DGCR6L: variants seen among roughly 807,000 people sequenced by gnomAD.
DGCR6L encodes DiGeorge syndrome critical region gene 6 like.
A neutral mutation model predicts 31.1 loss-of-function variants in DGCR6L; 24 were observed. The observed-to-expected ratio is 0.77, with a 90% CI of 0.56 to 1.08. DGCR6L has a LOEUF of 1.08. Among genes scored for constraint, DGCR6L ranks in the 50% least tolerant of loss-of-function variants. The pLI, the probability that DGCR6L is intolerant of heterozygous loss-of-function variation, is 0.00. For missense variants in DGCR6L, 218 were observed against 287.1 expected (o/e 0.76, Z 1.74); for synonymous variants, 104 against 126.1 (o/e 0.82, Z 1.17).
Position 20,314,648 on chromosome 22 carries a change from C to T in DGCR6L, c.*27G>A. 3 of 1,561,352 alleles carry T rather than the reference C, an allele frequency of 1.9e-6. No homozygotes were observed. The highest frequency in any genetic ancestry group is 2.6e-6 in the Non-Finnish European group (3 of 1,150,342). ...AGTGGCCAAAGGTCAAGAAGATGAA[C>T]TCTGCCCAGACTTCTGCTGCCTGTG... On this transcript the variant is annotated 3_prime_UTR_variant, in exon 5 of 5. Coordinates refer to ENST00000248879, the MANE Select transcript of DGCR6L (RefSeq NM_033257.4).
At position 20,315,316 on chromosome 22, in the gene DGCR6L, G is replaced by C. The variant is rs746692807; in HGVS notation, c.513+20C>G. On this transcript the variant is annotated intron_variant, in intron 4 of 4. Transcript: ENST00000248879. ...GCCCCGGGGCACTCGGGCTAGGGCA[G>C]AGCAGGCCCAGGCACTGACCTGTGG... The C allele has an allele frequency of 6.2e-7, 1 of 1,607,720 alleles. No homozygotes were observed. Among genetic ancestry groups the C allele is most frequent in the Non-Finnish European group, 8.5e-7 (1 of 1,177,276 alleles).
intron 2 of DGCR6L, among the ~76,000 whole-genome samples, chr22:20,318,905 A>G (rs570893274): frequency 2.7e-4 from 41 of 152,390 alleles, no homozygotes; most frequent in African/African-American, 9.4e-4. Flanking sequence ...GGTGAATGCT[A>G]TGCTGTCACA....
At chr22:20,315,983 C>T in intron 3 of DGCR6L, 136 bp downstream of exon 3, 1 of 1,063,360 alleles carries the variant, frequency 9.4e-7, no homozygotes, top group Non-Finnish European at 1.3e-6. Flanking sequence ...ACTCACTAGG[C>T]CTCCAGTGTC....
rs150224836 is a variant in DGCR6L, at chr22:20,315,474, G to C, written c.375C>G (p.Ala125=). 11 of 1,613,312 alleles carry C rather than the reference G, an allele frequency of 6.8e-6. No homozygotes were observed. The highest frequency in any genetic ancestry group is 1.1e-5 in the South Asian group (1 of 91,074). Residue 125 remains alanine, a splice_region_variant and synonymous_variant, in exon 4 of 5, where the codon GCC becomes GCG. Transcript: ENST00000248879. ...VQAAQQRELE[A]VEHRIREEQR... Reference sequence around the variant, plus strand: ...GCTCCTCACGGATCCGGTGTTCCACGGCCTGCCATGGGGCCAGGGCGCGGA... The same window carrying C: ...GCTCCTCACGGATCCGGTGTTCCACCGCCTGCCATGGGGCCAGGGCGCGGA...
rs1286259902 is a variant in DGCR6L, at chr22:20,319,696, G to T, written c.214C>A (p.His72Asn). The T allele has an allele frequency of 6.2e-7, 1 of 1,612,450 alleles. No homozygotes were observed. The highest frequency in any genetic ancestry group is 8.5e-7 in the Non-Finnish European group (1 of 1,179,836). The change falls in exon 2 of 5, where the codon CAC becomes AAC. Residue 72 changes from histidine to asparagine, a missense_variant. Physicochemically the swap from His to Asn is moderately conservative, Grantham distance 68. Coordinates refer to ENST00000248879, the MANE Select transcript of DGCR6L (RefSeq NM_033257.4). ...TTGTACAGGCTCTTTTCGGTGAGGT[G>T]CTGGATCTCCAGTAGCCCCTGCACG... The part of the protein sequence containing the change: ...EIVQGLLEIQ[H>N]LTEKSLYNQR...
chr22:20,315,613 C>T, intron 3 of DGCR6L, 137 bp from the exon 4 acceptor site: 1 of 1,358,534 alleles, frequency 7.4e-7, no homozygotes, highest in Non-Finnish European at 9.9e-7. Flanking sequence ...CCGGTGCATC[C>T]TCACCACACC....
intron 3 of DGCR6L, among the ~76,000 whole-genome samples, chr22:20,315,816 C>T (rs1331215427): frequency 6.6e-6 from 1 of 152,178 alleles, no homozygotes; most frequent in Non-Finnish European, 1.5e-5. Context: ...TTCCTGGCCC[C>T]AACACCCTAC....
At chr22:20,317,001 C>G (rs940286905) in intron 2 of DGCR6L, among the ~76,000 whole-genome samples, 2 of 152,226 alleles carry the variant, frequency 1.3e-5, no homozygotes, top group Non-Finnish European at 2.9e-5. Context: ...CAGCTGGCGC[C>G]AGTGACCAGT....
intron 2 of DGCR6L, among the ~76,000 whole-genome samples, chr22:20,317,302 G>A (rs1228510189): frequency 6.6e-6 from 1 of 152,248 alleles, no homozygotes; most frequent in African/African-American, 2.4e-5. Flanking sequence ...GCAGGGAAAT[G>A]TCATCTCCTT....
At position 20,316,145 on chromosome 22, in the gene DGCR6L, G is replaced by A. The variant is rs1443196931; in HGVS notation, c.346C>T (p.Gln116Ter). ...ACRPHNLPVV[Q>*]AAQQRELEAV... ...TCTAGTTCTCGCTGCTGAGCCGCCT[G>A]AACCACAGGCAGGTTGTGGGGCCGG... Residue 116 changes from glutamine to a stop codon, truncating the protein, a stop_gained, in exon 3 of 5, where the codon CAG becomes TAG. Coordinates refer to ENST00000248879, the MANE Select transcript of DGCR6L (RefSeq NM_033257.4). LOFTEE classifies it high-confidence loss of function. 13 of 1,610,954 alleles carry A rather than the reference G, an allele frequency of 8.1e-6. No homozygotes were observed. The highest frequency in any genetic ancestry group is 4.0e-5 in the African/African-American group (3 of 74,886).
At chr22:20,315,313 G>T in intron 4 of DGCR6L, 23 bp downstream of exon 4, 1 of 1,606,216 alleles carries the variant, frequency 6.2e-7, no homozygotes, top group South Asian at 1.1e-5. Context: ...TCGGGCTAGG[G>T]CAGAGCAGGC....
chr22:20,316,777 C>T (rs1012695649), intron 2 of DGCR6L, among the ~76,000 whole-genome samples: 3 of 152,210 alleles, frequency 2.0e-5, no homozygotes, highest in Non-Finnish European at 2.9e-5. Context: ...GAAGGGTGGG[C>T]AGACCTGGGA....
At chr22:20,315,166 T>G in intron 4 of DGCR6L, 170 bp downstream of exon 4, 1 of 1,479,750 alleles carries the variant, frequency 6.8e-7, no homozygotes, top group South Asian at 1.2e-5. Flanking sequence ...CTGTAGGGAA[T>G]GGGCCTGGCC....
At chr22:20,318,653 G>C (rs1288237239) in intron 2 of DGCR6L, 1 of 152,228 alleles carries the variant, frequency 6.6e-6, no homozygotes, top group Admixed American at 6.5e-5. Context: ...TTCTCAGGGG[G>C]CTACCTTCTG....
intron 2 of DGCR6L, among the ~76,000 whole-genome samples, chr22:20,319,307 G>A (rs1569061487): frequency 6.6e-6 from 1 of 152,236 alleles, no homozygotes; most frequent in Non-Finnish European, 1.5e-5. Context: ...GGGCAATGCT[G>A]CTGCAGTCAG....
chr22:20,319,193 A>T (rs2280116), intron 2 of DGCR6L, among the ~76,000 whole-genome samples: 54,345 of 152,012 alleles, frequency 0.36, 10,440 homozygotes, highest in Non-Finnish European at 0.44. Context: ...GACAGTGCTT[A>T]GGAATTTGAT....
In DGCR6L at chr22:20,315,453, C is replaced by G. The variant is rs757057015; in HGVS notation, c.396G>C (p.Glu132Asp). ...ELEAVEHRIR[E>D]EQRAMDQKII... ...TCTTCTGGTCCATCGCCCGCTGCTC[C>G]TCACGGATCCGGTGTTCCACGGCCT... The change falls in exon 4 of 5, where the codon GAG (glutamate) becomes GAC (aspartate). Residue 132 changes from glutamate to aspartate, a missense_variant. Around this residue, in one of 4 missense-constraint regions of DGCR6L, gnomAD observed 78 missense variants for 90.0 expected, o/e 0.87. Transcript: ENST00000248879. The G allele has an allele frequency of 1.8e-5, 29 of 1,613,746 alleles. 1 individual carries two copies. In the Admixed American group the frequency reaches 4.3e-4, roughly 24 times the overall value.
chr22:20,319,699 G>GC lies in DGCR6L; in HGVS notation c.210_211insG (p.Gln71AlafsTer62). 6.2e-7 allele frequency: 1 copy of GC among 1,612,570 alleles called. No homozygotes were observed. The highest frequency in any genetic ancestry group is 2.2e-5 in the East Asian group (1 of 44,858). The stretch of plus-strand genomic sequence containing the variant: ...TACAGGCTCTTTTCGGTGAGGTGCT[G>GC]GATCTCCAGTAGCCCCTGCACGATT... On this transcript the variant is annotated frameshift_variant, in exon 2 of 5. Coordinates refer to ENST00000248879, the MANE Select transcript of DGCR6L (RefSeq NM_033257.4). LOFTEE classifies it high-confidence loss of function.
chr22:20,316,245 A>G (rs757931115), intron 2 of DGCR6L, 26 bp from the exon 3 acceptor site: 37 of 1,576,080 alleles, frequency 2.3e-5, no homozygotes, highest in Non-Finnish European at 3.2e-5. Flanking sequence ...GCCCGTCAGC[A>G]GGCGGTGGGA....
Sources: allele counts gnomAD v4.1 joint callset (sites outside exome capture counted in the v4.1 genomes callset), GRCh38; gene constraint gnomAD v4.1.1; regional missense constraint gnomAD v4.1.1; transcripts MANE v1.5; gene names NCBI Gene and HGNC (gene_info 2026-07-23, HGNC 2026-07-21).